Variants in MAP4K3 observed in about 807,000 individuals in gnomAD.
MAP4K3 encodes mitogen-activated protein kinase kinase kinase kinase 3.
In MAP4K3, 94 loss-of-function variants were observed where a neutral mutation model predicts 143.5. That is an observed-to-expected ratio of 0.65 (90% confidence interval 0.55 to 0.78). The LOEUF (loss-of-function observed/expected upper bound fraction) is 0.78. Among genes scored for constraint, MAP4K3 ranks in the 30% least tolerant of loss-of-function variants. The pLI, the probability that MAP4K3 is intolerant of heterozygous loss-of-function variation, is 0.00. For missense variants in MAP4K3, 1,077 were observed against 1,068.1 expected, an observed-to-expected ratio of 1.01 and a Z score of -0.12; for synonymous variants, 416 against 347.2, an observed-to-expected ratio of 1.20 and a Z score of -2.20.
chr2:39,399,247 A>G (rs12712643), intron 1 of MAP4K3, among the ~76,000 whole-genome samples: 114,890 of 152,042 alleles, frequency 0.76, 44,233 homozygotes, highest in Non-Finnish European at 0.84. Context: ...ATATGTCACT[A>G]AGAAGCCTGC....
chr2:39,342,833 C>A (rs918372231), intron 4 of MAP4K3, among the ~76,000 whole-genome samples: 6 of 151,920 alleles, frequency 3.9e-5, no homozygotes, highest in African/African-American at 1.2e-4. Context: ...TAATCAAAAG[C>A]CTACTCTACA....
chr2:39,329,483 G>C (rs1026060482), intron 8 of MAP4K3, among the ~76,000 whole-genome samples: 1 of 152,192 alleles, frequency 6.6e-6, no homozygotes, highest in African/African-American at 2.4e-5. Flanking sequence ...ACAACAACTA[G>C]CAGCCAATGA....
chr2:39,319,702 G>A (rs1033844416), intron 12 of MAP4K3, among the ~76,000 whole-genome samples: 3 of 152,128 alleles, frequency 2.0e-5, no homozygotes, highest in Non-Finnish European at 4.4e-5. Context: ...ATTATTTAAT[G>A]TAAGAAGAAT....
intron 16 of MAP4K3, 57 bp from the exon 17 acceptor site, chr2:39,293,325 G>C (rs867973529): frequency 4.7e-6 from 5 of 1,072,124 alleles, no homozygotes; most frequent in African/African-American, 1.6e-5. Flanking sequence ...AAGGAATATC[G>C]AATGTGTTTT....
Position 39,325,530 on chromosome 2 carries a change from A to G in MAP4K3, c.906T>C (p.Asp302=). 1.9e-6 allele frequency: 3 copies of G among 1,610,968 alleles called. No homozygotes were observed. Among genetic ancestry groups the G allele is most frequent in the South Asian group, 1.1e-5 (1 of 90,926 alleles). Residue 302 remains aspartate (D), a synonymous_variant, in exon 12 of 34, where the codon GAT becomes GAC. Coordinates refer to ENST00000263881, the MANE Select transcript of MAP4K3 (RefSeq NM_003618.4). ...AAGCAATTCCTACCTCAGGATCATC[A>G]TCATCGAAATCATGGTAAGTGGAAT... is the stretch of plus-strand genomic sequence containing the variant. ...PDHSTYHDFD[D]DDPEPLVAVP...
At chr2:39,363,190 CA>C (rs1406429062) in intron 2 of MAP4K3, among the ~76,000 whole-genome samples, 4 of 152,106 alleles carry the variant, frequency 2.6e-5, no homozygotes, top group African/African-American at 9.7e-5. Context: ...GCACAGGCAA[CA>C]AAAGCAAAAA....
intron 16 of MAP4K3, among the ~76,000 whole-genome samples, chr2:39,295,143 A>G (rs758138088): frequency 1.2e-4 from 19 of 152,128 alleles, no homozygotes; most frequent in Non-Finnish European, 2.5e-4. Flanking sequence ...GGACCTCAAC[A>G]AAAAGTGTTC....
At chr2:39,316,517 A>C (rs1683116926) in intron 12 of MAP4K3, among the ~76,000 whole-genome samples, 1 of 152,098 alleles carries the variant, frequency 6.6e-6, no homozygotes, top group African/African-American at 2.4e-5. Flanking sequence ...GTTGGATATG[A>C]AAACGGTATT....
At chr2:39,308,372 T>C (rs1249431596) in intron 14 of MAP4K3, among the ~76,000 whole-genome samples, 1 of 152,170 alleles carries the variant, frequency 6.6e-6, no homozygotes, top group Non-Finnish European at 1.5e-5. Flanking sequence ...AATATGATCA[T>C]TTTAAGACTT....
rs2708228 is a variant in MAP4K3, at chr2:39,372,697, C to T, written c.154+5369G>A. The stretch of plus-strand genomic sequence containing the variant: ...GAACATACACTGGGGAAAGGACAGT[C>T]TCTTCAATAAGTGGTGCTGAGAAAA... On this transcript the variant is annotated intron_variant, in intron 2 of 33. Transcript: ENST00000263881. Among the ~76,000 whole-genome samples, 611 of 152,146 alleles carry T rather than the reference C, an allele frequency of 4.0e-3. 6 individuals carry two copies. Among genetic ancestry groups the T allele is most frequent in the Non-Finnish European group, 7.3e-3 (495 of 67,972 alleles).
rs574058844 is a variant in MAP4K3, at chr2:39,387,878, G to A, written c.97-9755C>T. ...AAGATCTACATTTCTAGGACTACCTGGTCCTAATAAAAAAAAATTTTAAAA... is the reference window on the plus strand; with the variant it reads ...AAGATCTACATTTCTAGGACTACCTAGTCCTAATAAAAAAAAATTTTAAAA... On this transcript the variant is annotated intron_variant, in intron 1 of 33. Transcript: ENST00000263881. 3.3e-5 allele frequency among the ~76,000 whole-genome samples: 5 copies of A among 151,978 alleles called. No homozygotes were observed. In the East Asian group the frequency reaches 9.7e-4, roughly 29 times the overall value.
rs1215099201 is a variant in MAP4K3 at position 39,298,343 on chromosome 2, CTAA to C, written c.1178+1397_1178+1399del. On this transcript the variant is annotated intron_variant, in intron 16 of 33. Coordinates refer to ENST00000263881, the MANE Select transcript of MAP4K3 (RefSeq NM_003618.4). ...TTTTCCATTTTAAAAAACATAAATG[CTAA>C]TAATAATAATGACTTAATAATAGTA... Among the ~76,000 whole-genome samples, 6 of 151,938 alleles carry C rather than the reference CTAA, an allele frequency of 3.9e-5. No individual in the cohort carries two copies. In the South Asian group the frequency reaches 8.3e-4, roughly 21 times the overall value.
Position 39,366,049 on chromosome 2 carries a change from G to C in MAP4K3, c.155-9710C>G, listed in dbSNP as rs535251599. Among the ~76,000 whole-genome samples the C allele has an allele frequency of 1.1e-4, 17 of 152,282 alleles. 1 individual carries two copies. In the South Asian group the frequency reaches 3.3e-3, roughly 30 times the overall value. ...AACAGTACTTCAGTTGTTCGTGAAA[G>C]GAGTCAAACTCTGTAAAATATTTGA... On this transcript the variant is annotated intron_variant, in intron 2 of 33. Coordinates refer to ENST00000263881, the MANE Select transcript of MAP4K3 (RefSeq NM_003618.4).
intron 1 of MAP4K3, among the ~76,000 whole-genome samples, chr2:39,389,941 A>C (rs139612339): frequency 6.6e-5 from 10 of 152,320 alleles, no homozygotes; most frequent in African/African-American, 2.2e-4. Flanking sequence ...AATACCATGG[A>C]AATAGGAAGG....
chr2:39,260,850 A>G (rs1237290202), intron 28 of MAP4K3, 73 bp from the exon 29 acceptor site: 48 of 985,874 alleles, frequency 4.9e-5, no homozygotes, highest in Non-Finnish European at 6.8e-5. Flanking sequence ...ATACTATAAA[A>G]CAGCTTTCTA....
At chr2:39,268,174 T>A (rs1253204045) in intron 26 of MAP4K3, among the ~76,000 whole-genome samples, 2 of 152,122 alleles carry the variant, frequency 1.3e-5, no homozygotes, top group African/African-American at 4.8e-5. Flanking sequence ...TAGATAAAAA[T>A]CAATTCTGAA....
Position 39,365,782 on chromosome 2 carries a change from A to T in MAP4K3, c.155-9443T>A, listed in dbSNP as rs183213801. Among the ~76,000 whole-genome samples, 6 of 152,314 alleles carry T rather than the reference A, an allele frequency of 3.9e-5. No homozygotes were observed. In the East Asian group the frequency reaches 1.2e-3, roughly 29 times the overall value. On this transcript the variant is annotated intron_variant, in intron 2 of 33. Coordinates refer to ENST00000263881, the MANE Select transcript of MAP4K3 (RefSeq NM_003618.4). ...AAAATGTCCTATAGCCAAGAGAAAA[A>T]TGTAAGCTTAGACTACGAAAAATCA...
chr2:39,343,277 A>C, intron 4 of MAP4K3, 111 bp downstream of exon 4: 1 of 704,122 alleles, frequency 1.4e-6, no homozygotes, highest in Non-Finnish European at 2.4e-6. Flanking sequence ...ACAATATAAC[A>C]ATAAAACATA....
chr2:39,383,841 A>G (rs1288753814), intron 1 of MAP4K3, among the ~76,000 whole-genome samples: 3 of 152,174 alleles, frequency 2.0e-5, no homozygotes, highest in Non-Finnish European at 2.9e-5. Context: ...TACATGGCTC[A>G]TGTCTGTAAT....
Sources: allele counts gnomAD v4.1 joint callset (sites outside exome capture counted in the v4.1 genomes callset), GRCh38; gene constraint gnomAD v4.1.1; transcripts MANE v1.5; gene names NCBI Gene and HGNC (gene_info 2026-07-23, HGNC 2026-07-21).